ALDH1A1: variants seen among roughly 807,000 people sequenced by gnomAD.
The protein encoded by ALDH1A1 is aldehyde dehydrogenase 1A1.
In ALDH1A1, 19 loss-of-function variants were observed where a neutral mutation model predicts 62.1. The ratio of observed to expected loss-of-function variants is 0.31; its 90% CI spans 0.21 to 0.45. The LOEUF (loss-of-function observed/expected upper bound fraction) is 0.45, where lower values mean the gene tolerates loss of function less well. Among genes scored for constraint, ALDH1A1 ranks in the 20% least tolerant of loss-of-function variants. ALDH1A1 has a pLI of 1.00. For missense variants in ALDH1A1, 521 were observed against 607.1 expected, an observed-to-expected ratio of 0.86 and a Z score of 1.49; for synonymous variants, 231 against 215.9, an observed-to-expected ratio of 1.07 and a Z score of -0.61.
intron 5 of ALDH1A1, among the ~76,000 whole-genome samples, chr9:72,926,547 A>G (rs186533117): frequency 6.6e-6 from 1 of 152,312 alleles, no homozygotes; most frequent in Admixed American, 6.5e-5. Flanking sequence ...ACTTTCCTCT[A>G]AGAGTAATAT....
intron 7 of ALDH1A1, among the ~76,000 whole-genome samples, chr9:72,919,130 T>A (rs1830102663): frequency 6.6e-6 from 1 of 152,076 alleles, no homozygotes; most frequent in Non-Finnish European, 1.5e-5. Context: ...ATAAAAGGAA[T>A]CAGAAAAATG....
intron 1 of ALDH1A1, among the ~76,000 whole-genome samples, chr9:72,946,151 G>T (rs546757075): frequency 1.3e-5 from 2 of 152,088 alleles, no homozygotes; most frequent in South Asian, 2.1e-4. Context: ...ATGTAGAAGC[G>T]ATAGAAAGTT....
At chr9:72,934,648 C>G (rs2118554716) in intron 2 of ALDH1A1, among the ~76,000 whole-genome samples, 1 of 152,258 alleles carries the variant, frequency 6.6e-6, no homozygotes, top group African/African-American at 2.4e-5. Flanking sequence ...CTTTAAGACC[C>G]AGCTCAAATA....
intron 1 of ALDH1A1, chr9:72,942,178 G>A: frequency 1.9e-6 from 1 of 529,138 alleles, no homozygotes; most frequent in Non-Finnish European, 2.4e-6. Flanking sequence ...CAACACTCTA[G>A]CTATCAGAAA....
chr9:72,923,655 T>C (rs565758889), intron 7 of ALDH1A1, among the ~76,000 whole-genome samples: 1 of 152,314 alleles, frequency 6.6e-6, no homozygotes, highest in Non-Finnish European at 1.5e-5. Flanking sequence ...GAGACTCTAC[T>C]ATTTAATTTT....
At chr9:72,951,365 A>G (rs1318369532) in intron 1 of ALDH1A1, among the ~76,000 whole-genome samples, 1 of 151,842 alleles carries the variant, frequency 6.6e-6, no homozygotes, top group Non-Finnish European at 1.5e-5. Flanking sequence ...TACTAAGTGA[A>G]GCTTAATTTA....
chr9:72,917,337 C>G (rs532970079), intron 8 of ALDH1A1, among the ~76,000 whole-genome samples: 1 of 152,038 alleles, frequency 6.6e-6, no homozygotes, highest in African/African-American at 2.4e-5. Context: ...ACTATTACAA[C>G]TTTAATATGG....
intron 12 of ALDH1A1, among the ~76,000 whole-genome samples, 159 bp from the exon 13 acceptor site, chr9:72,901,439 A>G (rs113722670): frequency 3.0e-4 from 45 of 152,248 alleles, no homozygotes; most frequent in African/African-American, 1.0e-3. Context: ...CTAGCCAATC[A>G]TAAGATTTCT....
At chr9:72,922,860 G>C (rs186668531) in intron 7 of ALDH1A1, among the ~76,000 whole-genome samples, 6 of 152,106 alleles carry the variant, frequency 3.9e-5, no homozygotes, top group African/African-American at 1.4e-4. Flanking sequence ...ATCTCAATTA[G>C]GGAGTTGCAG....
rs1257526568 is a variant in ALDH1A1 at position 72,940,334 on chromosome 9, C to G, written c.67-82G>C. The G allele has an allele frequency of 2.2e-5, 21 of 940,390 alleles. No homozygotes were observed. The East Asian group carries it at 5.2e-4, about 23-fold the overall frequency. 58.3% of individuals were successfully genotyped at this position (940,390 alleles called of 1,614,324 possible). A position where few individuals can be genotyped will look rare whatever the true frequency, so the allele number is the denominator to read the frequency against. On this transcript the variant is annotated intron_variant, in intron 1 of 12. Transcript: ENST00000297785. ...AAGTTTTCATAAACTTAAACTAAAGCATTTCACCATGCCTAAATGATGCAC... is the reference window on the plus strand; with the variant it reads ...AAGTTTTCATAAACTTAAACTAAAGGATTTCACCATGCCTAAATGATGCAC...
intron 1 of ALDH1A1, among the ~76,000 whole-genome samples, chr9:72,949,917 T>C (rs1468734156): frequency 6.6e-6 from 1 of 151,450 alleles, no homozygotes; most frequent in African/African-American, 2.4e-5. Context: ...TACCGAATCC[T>C]GTAGGAGAAA....
At chr9:72,907,437 C>A (rs1829890415) in intron 11 of ALDH1A1, among the ~76,000 whole-genome samples, 2 of 152,164 alleles carry the variant, frequency 1.3e-5, no homozygotes, top group Non-Finnish European at 2.9e-5. Context: ...AATTCCTGAT[C>A]AGGGATTCCC....
Position 72,908,615 on chromosome 9 carries a change from GAA to G in ALDH1A1, c.1358+985_1358+986del, listed in dbSNP as rs1295297070. Among the ~76,000 whole-genome samples, 23 of 104,390 alleles carry G rather than the reference GAA, an allele frequency of 2.2e-4. 1 individual carries two copies. The highest frequency in any genetic ancestry group is 2.2e-3 in the Admixed American group (21 of 9,766). The allele number at this position is 104,390 out of a possible 152,430, so 68.5% of individuals were successfully genotyped here. ...AGAAAGAAAGAAAGAAAGAAAGAAA[GAA>G]AGAAAGAAAGAGAATATTGCATAGG... On this transcript the variant is annotated intron_variant, in intron 11 of 12. Coordinates refer to ENST00000297785, the MANE Select transcript of ALDH1A1 (RefSeq NM_000689.5).
At chr9:72,929,585 G>A (rs145301402) in intron 3 of ALDH1A1, among the ~76,000 whole-genome samples, 14 of 152,200 alleles carry the variant, frequency 9.2e-5, no homozygotes, top group Non-Finnish European at 1.5e-4. Context: ...CATAATTGCC[G>A]TTTTAATGGT....
At position 72,914,960 on chromosome 9, in the gene ALDH1A1, G is replaced by A. The variant is rs180810807; in HGVS notation, c.1035+1960C>T. 1.2e-4 allele frequency among the ~76,000 whole-genome samples: 19 copies of A among 152,186 alleles called. No homozygotes were observed. In the East Asian group the frequency reaches 1.4e-3, roughly 11 times the overall value. ...CAATAGGCTAAAGCTTAGTGAGTGA[G>A]TATCCCCTTTGCGTAAGTTTTTTCT... On this transcript the variant is annotated intron_variant, in intron 9 of 12. Transcript: ENST00000297785.
chr9:72,906,035 G>A lies in ALDH1A1; in HGVS notation c.1359-3C>T. The A allele has an allele frequency of 6.2e-7, 1 of 1,607,986 alleles. No homozygotes were observed. The highest frequency in any genetic ancestry group is 1.1e-5 in the South Asian group (1 of 89,980). ...TTACCACGCCATAGCAATTCACCCT[G>A]AAGGAAAAGAAAAGTGCATTATAGA... On this transcript the variant is annotated splice_region_variant and splice_polypyrimidine_tract_variant and intron_variant, in intron 11 of 12. Transcript: ENST00000297785.
intron 1 of ALDH1A1, among the ~76,000 whole-genome samples, chr9:72,941,900 G>A (rs1830419843): frequency 6.6e-6 from 1 of 152,060 alleles, no homozygotes; most frequent in African/African-American, 2.4e-5. Flanking sequence ...AAACACATGG[G>A]CATGCCTAAA....
At chr9:72,911,442 C>A (rs772920197) in intron 10 of ALDH1A1, among the ~76,000 whole-genome samples, 1 of 152,114 alleles carries the variant, frequency 6.6e-6, no homozygotes, top group Non-Finnish European at 1.5e-5. Context: ...AGGATATTTA[C>A]GATAGCTCTC....
chr9:72,940,231 G>T lies in ALDH1A1; in HGVS notation c.88C>A (p.His30Asn), dbSNP rs146262229. 37 of 1,612,730 alleles carry T rather than the reference G, an allele frequency of 2.3e-5. No individual in the cohort carries two copies. The highest frequency in any genetic ancestry group is 3.0e-5 in the Non-Finnish European group (35 of 1,179,060). The change falls in exon 2 of 13, where the codon CAT becomes AAT. Residue 30 changes from histidine to asparagine, a missense_variant. Physicochemically the swap from His to Asn is moderately conservative, Grantham distance 68 (BLOSUM62 1). Transcript: ENST00000297785. ...AATTTCTTGCCACTCACTGAATCAT[G>T]CCATTCATTGTTTATGAAGATCTGT... ...YTKIFINNEW[H>N]DSVSGKKFPV...
Sources: allele counts gnomAD v4.1 joint callset (sites outside exome capture counted in the v4.1 genomes callset), GRCh38; gene constraint gnomAD v4.1.1; transcripts MANE v1.5; gene names NCBI Gene and HGNC (gene_info 2026-07-23, HGNC 2026-07-21).